JAZF1: variants seen among roughly 807,000 people sequenced by gnomAD.
JAZF1 encodes the protein JAZF zinc finger 1.
Under a neutral mutation model 26.4 loss-of-function variants are expected in JAZF1, and 8 were observed. The ratio of observed to expected loss-of-function variants is 0.30; its 90% confidence interval spans 0.18 to 0.55. The LOEUF is 0.55. JAZF1 is among the 20% of genes least tolerant of loss of function. The probability of loss-of-function intolerance (pLI) is 0.94; values close to 1 mark genes in which losing one functional copy is unlikely to be tolerated. For missense variants in JAZF1, 199 were observed against 322.0 expected (o/e 0.62, Z 2.92); for synonymous variants, 126 against 122.3 (o/e 1.03, Z -0.20).
At chr7:28,002,789 T>TA (rs1307633575) in intron 1 of JAZF1, among the ~76,000 whole-genome samples, 7 of 152,094 alleles carry the variant, frequency 4.6e-5, no homozygotes, top group African/African-American at 1.7e-4. Context: ...CTTCCTGGTA[T>TA]AAAAACCACA....
At chr7:28,126,375 G>A (rs1177623900) in intron 1 of JAZF1, among the ~76,000 whole-genome samples, 1 of 152,078 alleles carries the variant, frequency 6.6e-6, no homozygotes, top group Non-Finnish European at 1.5e-5. Flanking sequence ...CAATAATTTC[G>A]GGTAGTGATA....
At chr7:27,979,714 C>G (rs1188777613) in intron 2 of JAZF1, among the ~76,000 whole-genome samples, 1 of 152,108 alleles carries the variant, frequency 6.6e-6, no homozygotes, top group Admixed American at 6.5e-5. Context: ...TGCCCTGCAG[C>G]TCCCCGAATC....
chr7:27,946,439 G>C (rs904713618), intron 2 of JAZF1, among the ~76,000 whole-genome samples: 1 of 152,316 alleles, frequency 6.6e-6, no homozygotes, highest in Admixed American at 6.5e-5. Context: ...AAAGGCTGGG[G>C]ATAAAACAGC....
At position 27,928,801 on chromosome 7, in the gene JAZF1, G is replaced by C. The variant is rs564989716; in HGVS notation, c.189-33385C>G. ...GGGGCCTGTCAGAGGGCGGAGGGTG[G>C]AAGGAGGGAGAGGATCAGGAAAAAT... is the stretch of plus-strand genomic sequence containing the variant. On this transcript the variant is annotated intron_variant, in intron 2 of 4. Transcript: ENST00000283928. Among the ~76,000 whole-genome samples the C allele has an allele frequency of 7.2e-5, 11 of 152,308 alleles. No individual in the cohort carries two copies. In the South Asian group the frequency reaches 2.3e-3, roughly 32 times the overall value.
intron 2 of JAZF1, among the ~76,000 whole-genome samples, chr7:27,934,762 C>T (rs1784741100): frequency 6.6e-6 from 1 of 152,018 alleles, no homozygotes; most frequent in Non-Finnish European, 1.5e-5. Flanking sequence ...TAGAAGAAAA[C>T]ACAGGAATAA....
At chr7:27,978,045 T>C (rs191695058) in intron 2 of JAZF1, among the ~76,000 whole-genome samples, 1 of 152,368 alleles carries the variant, frequency 6.6e-6, no homozygotes, top group African/African-American at 2.4e-5. Context: ...CTGCATGCCA[T>C]ATGAATGTTG....
chr7:28,145,189 C>T (rs1043411736), intron 1 of JAZF1, among the ~76,000 whole-genome samples: 2 of 152,042 alleles, frequency 1.3e-5, no homozygotes, highest in African/African-American at 4.8e-5. Context: ...CCTTCTAAAC[C>T]GGATCCACAT....
At chr7:28,144,926 A>T (rs80327571) in intron 1 of JAZF1, among the ~76,000 whole-genome samples, 3,286 of 152,326 alleles carry the variant, frequency 0.022, 133 homozygotes, top group African/African-American at 0.074. Context: ...ATGAAACTTA[A>T]AATTAATTTT....
Position 27,832,880 on chromosome 7 carries a change from T to C in JAZF1, c.652A>G (p.Thr218Ala). 1.9e-6 allele frequency: 3 copies of C among 1,613,592 alleles called. No individual in the cohort carries two copies. The highest frequency in any genetic ancestry group is 1.7e-6 in the Non-Finnish European group (2 of 1,179,798). Residue 218 changes from threonine (T) to alanine (A), a missense_variant, in exon 5 of 5, where the codon ACA becomes GCA. Thr to Ala is a moderately conservative substitution (Grantham distance 58, BLOSUM62 0). Around this residue, in one of 2 missense-constraint regions of JAZF1, gnomAD observed 62 missense variants for 137.2 expected, o/e 0.45. Transcript: ENST00000283928. ...FKCRCGKSYK[T>A]AQGLRHHTIN... Reference sequence around the variant, plus strand: ...GTGTGGTGCCGCAGGCCCTGAGCTGTCTTGTAACTCTTCCCACAGCGACAC... The same window carrying C: ...GTGTGGTGCCGCAGGCCCTGAGCTGCCTTGTAACTCTTCCCACAGCGACAC...
intron 2 of JAZF1, among the ~76,000 whole-genome samples, chr7:27,906,097 G>GCCA (rs1784251578): frequency 3.3e-5 from 5 of 152,286 alleles, no homozygotes; most frequent in African/African-American, 1.2e-4. Flanking sequence ...CTTAAATTTA[G>GCCA]GTGGAATTGC....
intron 1 of JAZF1, among the ~76,000 whole-genome samples, chr7:28,015,970 C>T (rs1340926576): frequency 6.6e-6 from 1 of 152,170 alleles, no homozygotes; most frequent in African/African-American, 2.4e-5. Context: ...TGCTTATAAC[C>T]CCACAGGGCC....
intron 1 of JAZF1, among the ~76,000 whole-genome samples, chr7:28,177,456 GC>G (rs749848743): frequency 1.3e-5 from 2 of 151,988 alleles, no homozygotes; most frequent in Non-Finnish European, 2.9e-5. Flanking sequence ...AAAAACACAG[GC>G]CTTGAAAAAT....
At chr7:27,955,632 C>A (rs1374036294) in intron 2 of JAZF1, among the ~76,000 whole-genome samples, 1 of 152,156 alleles carries the variant, frequency 6.6e-6, no homozygotes, top group Non-Finnish European at 1.5e-5. Context: ...CTTTCTCCAC[C>A]CTCTCAGTCC....
rs149285144 is a variant in JAZF1 at position 27,992,154 on chromosome 7, C to T, written c.116-173G>A. The T allele has an allele frequency of 1.0e-3, 702 of 676,430 alleles. 6 individuals are homozygous for T. The African/African-American group carries it at 0.011, about 11-fold the overall frequency. The allele number at this position is 676,430 out of a possible 1,614,324, so 41.9% of individuals were successfully genotyped here. A position where few individuals can be genotyped will look rare whatever the true frequency, so the allele number is the denominator to read the frequency against. ...CATTTGTTCATTCATTCATAAATAACAAGATATTGCATTACTTTTCAAGGG... is the reference window on the plus strand; with the variant it reads ...CATTTGTTCATTCATTCATAAATAATAAGATATTGCATTACTTTTCAAGGG... On this transcript the variant is annotated intron_variant, in intron 1 of 4. Coordinates refer to ENST00000283928, the MANE Select transcript of JAZF1 (RefSeq NM_175061.4).
At chr7:27,982,373 C>T (rs1421350614) in intron 2 of JAZF1, among the ~76,000 whole-genome samples, 2 of 149,588 alleles carry the variant, frequency 1.3e-5, no homozygotes, top group African/African-American at 4.9e-5. Context: ...CATCTGAGAT[C>T]GAACAGCAAG....
At chr7:27,933,375 G>C (rs970176052) in intron 2 of JAZF1, among the ~76,000 whole-genome samples, 2 of 152,152 alleles carry the variant, frequency 1.3e-5, no homozygotes, top group Non-Finnish European at 2.9e-5. Flanking sequence ...GAAATATAAG[G>C]TCTAGAAAAT....
At chr7:27,975,892 G>A (rs752412584) in intron 2 of JAZF1, among the ~76,000 whole-genome samples, 7 of 152,104 alleles carry the variant, frequency 4.6e-5, no homozygotes, top group Non-Finnish European at 8.8e-5. Context: ...ACTACTGGAG[G>A]CACAGTTCCT....
At chr7:28,098,628 G>C (rs1207268356) in intron 1 of JAZF1, among the ~76,000 whole-genome samples, 1 of 152,256 alleles carries the variant, frequency 6.6e-6, no homozygotes, top group Admixed American at 6.5e-5. Context: ...CTAGATTCTA[G>C]CTCCTTTGAA....
At chr7:27,882,390 A>G (rs1284712500) in intron 3 of JAZF1, among the ~76,000 whole-genome samples, 2 of 152,180 alleles carry the variant, frequency 1.3e-5, no homozygotes, top group African/African-American at 2.4e-5. Flanking sequence ...ATCTGATAAG[A>G]TCAACCCAAC....
Sources: allele counts gnomAD v4.1 joint callset (sites outside exome capture counted in the v4.1 genomes callset), GRCh38; gene constraint gnomAD v4.1.1; regional missense constraint gnomAD v4.1.1; transcripts MANE v1.5; gene names NCBI Gene and HGNC (gene_info 2026-07-23, HGNC 2026-07-21).